Variants in AK5 observed in about 807,000 individuals in gnomAD.
The protein encoded by AK5 is adenylate kinase 5.
A neutral mutation model predicts 69.5 loss-of-function variants in AK5; 27 were observed. The observed-to-expected ratio is 0.39, with a 90% confidence interval of 0.29 to 0.54. The LOEUF (loss-of-function observed/expected upper bound fraction) is 0.54. Among genes scored for constraint, AK5 ranks in the 20% least tolerant of loss-of-function variants. The pLI is 0.71. For synonymous variants in AK5, 260 were observed against 244.4 expected (o/e 1.06, Z -0.60); for missense variants, 531 against 700.4 (o/e 0.76, Z 2.73).
At chr1:77,441,320 A>G (rs1209504271) in intron 8 of AK5, among the ~76,000 whole-genome samples, 2 of 152,014 alleles carry the variant, frequency 1.3e-5, no homozygotes, top group Non-Finnish European at 2.9e-5. Flanking sequence ...GGGGTCTCTT[A>G]CTAGAGAGTT....
intron 8 of AK5, among the ~76,000 whole-genome samples, chr1:77,473,984 A>C (rs1270395900): frequency 3.3e-5 from 5 of 152,150 alleles, no homozygotes; most frequent in East Asian, 1.9e-4. Flanking sequence ...AGGTGTAAGA[A>C]GGGGCAGAAT....
At chr1:77,514,382 G>T (rs1400723849) in intron 10 of AK5, among the ~76,000 whole-genome samples, 1 of 152,138 alleles carries the variant, frequency 6.6e-6, no homozygotes, top group Non-Finnish European at 1.5e-5. Context: ...AATATCTTTT[G>T]CCGGGTAACA....
chr1:77,464,327 A>C (rs1157493770), intron 8 of AK5, among the ~76,000 whole-genome samples: 3 of 152,104 alleles, frequency 2.0e-5, no homozygotes, highest in Non-Finnish European at 2.9e-5. Flanking sequence ...AAGGGTGCCA[A>C]CTTCCCCGAG....
chr1:77,534,295 A>C (rs1301382195), intron 12 of AK5, among the ~76,000 whole-genome samples: 3 of 152,204 alleles, frequency 2.0e-5, no homozygotes, highest in Non-Finnish European at 4.4e-5. Flanking sequence ...CAAAGTAAGC[A>C]TGTCCCAGAG....
intron 6 of AK5, among the ~76,000 whole-genome samples, chr1:77,351,640 G>C (rs1045223801): frequency 1.6e-4 from 25 of 152,126 alleles, no homozygotes; most frequent in Admixed American, 2.6e-4. Context: ...GGAAGCCACA[G>C]CTATTGCCTT....
At chr1:77,400,283 G>A (rs988698190) in intron 6 of AK5, among the ~76,000 whole-genome samples, 5 of 152,102 alleles carry the variant, frequency 3.3e-5, no homozygotes, top group African/African-American at 1.2e-4. Context: ...ATGTGGATTT[G>A]GATCCTGGCT....
rs60009020 is a variant in AK5, at chr1:77,440,941, G to T, written c.1059+23226G>T. On this transcript the variant is annotated intron_variant, in intron 8 of 13. Transcript: ENST00000354567. ...TTTTTGTATTTTTAGTAGAGACGGG[G>T]TTTCGCCATGTTGGCCAGGCTGGTC... Among the ~76,000 whole-genome samples, 1,842 of 152,224 alleles carry T rather than the reference G, an allele frequency of 0.012. 96 individuals carry two copies. In the East Asian group the frequency reaches 0.18, roughly 15 times the overall value.
At chr1:77,549,369 A>G (rs1454865918) in intron 13 of AK5, among the ~76,000 whole-genome samples, 1 of 152,102 alleles carries the variant, frequency 6.6e-6, no homozygotes, top group Non-Finnish European at 1.5e-5. Context: ...CTACTTTGAT[A>G]CAGGCATGCA....
chr1:77,346,824 A>G (rs974280148), intron 6 of AK5, among the ~76,000 whole-genome samples: 1 of 152,168 alleles, frequency 6.6e-6, no homozygotes. Flanking sequence ...AACAGCATGA[A>G]CACTTATCAG....
intron 8 of AK5, among the ~76,000 whole-genome samples, chr1:77,474,689 C>T (rs984326532): frequency 1.3e-5 from 2 of 152,200 alleles, no homozygotes; most frequent in African/African-American, 2.4e-5. Context: ...TCTGGACCCA[C>T]CTTCCCCCAA....
At position 77,318,021 on chromosome 1, in the gene AK5, G is replaced by A. The variant is rs1373514774; in HGVS notation, c.699+20074G>A. On this transcript the variant is annotated intron_variant, in intron 5 of 13. Transcript: ENST00000354567. ...ATAGTTATGAAACAAGTGGTCTGTT[G>A]CGAATAATAGTGAAGCACTGAAATT... is the stretch of plus-strand genomic sequence containing the variant. Among the ~76,000 whole-genome samples the A allele has an allele frequency of 2.0e-5, 3 of 152,200 alleles. No individual in the cohort carries two copies. The South Asian group carries it at 6.2e-4, about 32-fold the overall frequency.
At chr1:77,337,163 A>T (rs1440114941) in intron 5 of AK5, among the ~76,000 whole-genome samples, 2 of 152,190 alleles carry the variant, frequency 1.3e-5, no homozygotes, top group Non-Finnish European at 2.9e-5. Flanking sequence ...TTAAAAAACC[A>T]CATAAATTTC....
intron 13 of AK5, among the ~76,000 whole-genome samples, chr1:77,541,140 CT>C (rs1659247380): frequency 6.6e-6 from 1 of 152,198 alleles, no homozygotes; most frequent in South Asian, 2.1e-4. Context: ...AACTCCTGAC[CT>C]TGTGATCTGC....
chr1:77,334,846 C>T (rs1426203009), intron 5 of AK5, among the ~76,000 whole-genome samples: 4 of 152,050 alleles, frequency 2.6e-5, no homozygotes, highest in Non-Finnish European at 5.9e-5. Flanking sequence ...TTTCTAGAGC[C>T]TCTTCCCCTG....
At chr1:77,391,614 CA>C (rs1462561857) in intron 6 of AK5, among the ~76,000 whole-genome samples, 1 of 147,964 alleles carries the variant, frequency 6.8e-6, no homozygotes. Context: ...ATAGGTGCTA[CA>C]AAAAAAAGAC....
chr1:77,444,195 GTATA>G (rs34198954), intron 8 of AK5, among the ~76,000 whole-genome samples: 1 of 108,226 alleles, frequency 9.2e-6, no homozygotes. Context: ...CAGATAAGTG[GTATA>G]TATATATATA....
At position 77,558,570 on chromosome 1, in the gene AK5, G is replaced by GACTAACTA. The variant is rs566827073; in HGVS notation, c.1621-25_1621-24insAACTAACT. ...TTAAACATGATTTACAGATATTTCA[G>GACTAACTA]ACTAACTCTCTTTTTTTCCTTTTAA... On this transcript the variant is annotated intron_variant, in intron 13 of 13. Transcript: ENST00000354567. The GACTAACTA allele has an allele frequency of 4.6e-6, 6 of 1,315,770 alleles. No homozygotes were observed. In the African/African-American group the frequency reaches 5.8e-5, roughly 13 times the overall value. The allele number at this position is 1,315,770 out of a possible 1,614,324, so 81.5% of individuals were successfully genotyped here. A position where few individuals can be genotyped will look rare whatever the true frequency, so the allele number is the denominator to read the frequency against.
chr1:77,503,409 A>G (rs761664326), intron 10 of AK5, among the ~76,000 whole-genome samples: 5 of 152,248 alleles, frequency 3.3e-5, no homozygotes, highest in Non-Finnish European at 7.3e-5. Flanking sequence ...GATTCTGTGT[A>G]TGAACATATT....
intron 5 of AK5, among the ~76,000 whole-genome samples, chr1:77,299,159 A>G (rs1659193918): frequency 6.6e-6 from 1 of 152,006 alleles, no homozygotes; most frequent in Admixed American, 6.5e-5. Flanking sequence ...CATGTTTAAA[A>G]TTTTTGCAAA....
Sources: gnomAD v4.1 joint callset for allele counts (sites outside exome capture counted in the v4.1 genomes callset) on GRCh38, gnomAD v4.1.1 for gene constraint, MANE v1.5 for transcripts, NCBI Gene and HGNC (gene_info 2026-07-23, HGNC 2026-07-21) for gene names.